Variants in SGSM2 observed in about 807,000 individuals in gnomAD.
SGSM2 encodes RUN and TBC1 domain containing 1.
A neutral mutation model predicts 126.6 loss-of-function variants in SGSM2; 89 were observed. That is an observed-to-expected ratio of 0.70 (90% CI 0.59 to 0.84). The LOEUF (loss-of-function observed/expected upper bound fraction) is 0.84, where lower values mean the gene tolerates loss of function less well. Ranked by LOEUF, SGSM2 falls within the 40% of genes least tolerant of loss-of-function variation. SGSM2 has a pLI of 0.00. For missense variants in SGSM2, 1,404 were observed against 1,416.6 expected (o/e 0.99, Z 0.14); for synonymous variants, 614 against 574.3 (o/e 1.07, Z -0.99).
chr17:2,360,957 C>A (rs57221013), intron 2 of SGSM2, among the ~76,000 whole-genome samples: 20,287 of 152,216 alleles, frequency 0.13, 2,093 homozygotes, highest in African/African-American at 0.27. Context: ...CCGCCCCACA[C>A]ACATACACAC....
chr17:2,369,433 A>G (rs971839631), intron 12 of SGSM2, among the ~76,000 whole-genome samples: 6 of 151,984 alleles, frequency 3.9e-5, no homozygotes, highest in African/African-American at 1.5e-4. Context: ...CTTGCTTTAC[A>G]CTTTCCTCAT....
Position 2,363,068 on chromosome 17 carries a change from C to T in SGSM2, c.606C>T (p.Val202=), listed in dbSNP as rs1379207509. 6.2e-7 allele frequency: 1 copy of T among 1,613,848 alleles called. No homozygotes were observed. The highest frequency in any genetic ancestry group is 2.2e-5 in the East Asian group (1 of 44,882). ...YWTDPSADEL[V]QRHRIRGPPT... Reference sequence around the variant, plus strand: ...CTGACCCCTCTGCTGATGAGCTGGTCCAGCGGCACCGCATCCGGGGTCCAC... The same window carrying T: ...CTGACCCCTCTGCTGATGAGCTGGTTCAGCGGCACCGCATCCGGGGTCCAC... The change falls in exon 6 of 24, where the codon GTC becomes GTT. Residue 202 remains valine (V), a synonymous_variant. Transcript: ENST00000268989. This position sits in a 1 kb window ranked among gnomAD's most constrained non-coding sequence, Gnocchi z 4.2.
In SGSM2 at chr17:2,379,933, C is replaced by T; in HGVS notation, c.*413C>T. On this transcript the variant is annotated 3_prime_UTR_variant, in exon 24 of 24. Transcript: ENST00000268989. ...GTGGCAGAGGGCGAGAGGCTCTGTGCTGTGTCCCTTCTGAGGGTCCCTTTG... is the reference window on the plus strand; with the variant it reads ...GTGGCAGAGGGCGAGAGGCTCTGTGTTGTGTCCCTTCTGAGGGTCCCTTTG... 2 of 1,328,270 alleles carry T rather than the reference C, an allele frequency of 1.5e-6. No homozygotes were observed. Among genetic ancestry groups the T allele is most frequent in the Non-Finnish European group, 1.9e-6 (2 of 1,036,998 alleles). The allele number at this position is 1,328,270 out of a possible 1,614,324, so 82.3% of individuals were successfully genotyped here. A position where few individuals can be genotyped will look rare whatever the true frequency, so the allele number is the denominator to read the frequency against.
rs2066351924 is a variant in SGSM2 at position 2,380,172 on chromosome 17, G to A, written c.*652G>A. 4 of 1,496,046 alleles carry A rather than the reference G, an allele frequency of 2.7e-6. No homozygotes were observed. Among genetic ancestry groups the A allele is most frequent in the East Asian group, 5.1e-5 (2 of 38,924 alleles). 92.7% of individuals were successfully genotyped at this position (1,496,046 alleles called of 1,614,324 possible). On this transcript the variant is annotated 3_prime_UTR_variant, in exon 24 of 24. Coordinates refer to ENST00000268989, the MANE Select transcript of SGSM2 (RefSeq NM_014853.3). ...ACTGCCACTGCCTTTGGCCACCTGA[G>A]GTGACCCCCAGGCCTCCCCGGCCTT... is the stretch of plus-strand genomic sequence containing the variant.
Position 2,365,279 on chromosome 17 carries a change from G to C in SGSM2, c.1226G>C (p.Gly409Ala). The stretch of plus-strand genomic sequence containing the variant: ...CGCTCCGTGGATATGGAGGAGATGG[G>C]CACGGGGCGGGCCACCGACTATGTG... The part of the protein sequence containing the change: ...SIRSVDMEEM[G>A]TGRATDYVFR... Residue 409 changes from glycine (G) to alanine (A), a missense_variant, in exon 11 of 24, where the codon GGC becomes GCC. Physicochemically the swap from Gly to Ala is moderately conservative, Grantham distance 60. Coordinates refer to ENST00000268989, the MANE Select transcript of SGSM2 (RefSeq NM_014853.3). The C allele has an allele frequency of 6.2e-7, 1 of 1,600,616 alleles. No homozygotes were observed. Among genetic ancestry groups the C allele is most frequent in the Non-Finnish European group, 8.5e-7 (1 of 1,173,612 alleles).
chr17:2,360,815 G>A (rs893980519), intron 2 of SGSM2, among the ~76,000 whole-genome samples: 1 of 152,252 alleles, frequency 6.6e-6, no homozygotes, highest in Admixed American at 6.5e-5. Context: ...CTCGGGCCGA[G>A]GCTTGGAGCC....
rs763014970 is a variant in SGSM2, at chr17:2,376,210, A to G, written c.2558A>G (p.Tyr853Cys). Residue 853 changes from tyrosine to cysteine, a missense_variant, in exon 19 of 24, where the codon TAC (tyrosine) becomes TGC (cysteine). Coordinates refer to ENST00000268989, the MANE Select transcript of SGSM2 (RefSeq NM_014853.3). The stretch of plus-strand genomic sequence containing the variant: ...GATGTGCAGAGGTGTGACCGCAACT[A>G]CTGGTACTTCACGCCCCCCAACCTC... ...DKDVQRCDRN[Y>C]WYFTPPNLER... The G allele has an allele frequency of 6.2e-7, 1 of 1,613,722 alleles. No homozygotes were observed. The highest frequency in any genetic ancestry group is 1.7e-5 in the Admixed American group (1 of 59,966).
rs530845632 is a variant in SGSM2 at position 2,377,542 on chromosome 17, G to T, written c.2803-315G>T. ...AGAAATTGAGGAGGAGTGTGTGTGT[G>T]TGTGAATGCTCGTGCCCATGAAAGT... On this transcript the variant is annotated intron_variant, in intron 21 of 23. Transcript: ENST00000268989. 2.0e-5 allele frequency: 5 copies of T among 245,420 alleles called. No homozygotes were observed. The South Asian group carries it at 2.7e-4, about 13-fold the overall frequency. 15.2% of individuals were successfully genotyped at this position (245,420 alleles called of 1,614,324 possible). A position where few individuals can be genotyped will look rare whatever the true frequency, so the allele number is the denominator to read the frequency against.
intron 11 of SGSM2, chr17:2,366,903 C>T (rs999616736): frequency 2.5e-5 from 5 of 197,128 alleles, no homozygotes; most frequent in East Asian, 1.2e-4. Context: ...AGCTAGAGAA[C>T]GATCAGGACC....
chr17:2,366,049 T>C (rs1419705274), intron 11 of SGSM2, among the ~76,000 whole-genome samples: 1 of 152,164 alleles, frequency 6.6e-6, no homozygotes, highest in East Asian at 1.9e-4. Context: ...GGCCCAGCGC[T>C]TCTTTTTGGA....
At chr17:2,344,552 T>C (rs1440985882) in intron 2 of SGSM2, among the ~76,000 whole-genome samples, 1 of 152,164 alleles carries the variant, frequency 6.6e-6, no homozygotes, top group African/African-American at 2.4e-5. Context: ...GCTCACCAGG[T>C]GCCAGACACC....
intron 2 of SGSM2, among the ~76,000 whole-genome samples, chr17:2,345,462 G>A (rs906928532): frequency 2.0e-5 from 3 of 152,046 alleles, no homozygotes; most frequent in Admixed American, 2.0e-4. Flanking sequence ...CAGGCGTGGT[G>A]GCGGGCGCCT....
At chr17:2,369,613 G>A (rs997432613) in intron 12 of SGSM2, among the ~76,000 whole-genome samples, 1 of 152,176 alleles carries the variant, frequency 6.6e-6, no homozygotes, top group Non-Finnish European at 1.5e-5. Context: ...TTAAGGTGAA[G>A]AGCATTGGCC....
In SGSM2 at chr17:2,364,236, C is replaced by T. The variant is rs1451211953; in HGVS notation, c.932+53C>T. 4.4e-6 allele frequency: 7 copies of T among 1,609,086 alleles called. No homozygotes were observed. In the East Asian group the frequency reaches 1.6e-4, roughly 36 times the overall value. On this transcript the variant is annotated intron_variant, in intron 8 of 23. Coordinates refer to ENST00000268989, the MANE Select transcript of SGSM2 (RefSeq NM_014853.3). Reference sequence around the variant, plus strand: ...AGCCAGGGCAGGGAGTGGGTTTGACCTCAGGCAGAGGGATGGAGAAACCCC... The same window carrying T: ...AGCCAGGGCAGGGAGTGGGTTTGACTTCAGGCAGAGGGATGGAGAAACCCC...
At chr17:2,376,326 G>A (rs2066152185) in intron 19 of SGSM2, 65 bp downstream of exon 19, 8 of 1,546,486 alleles carry the variant, frequency 5.2e-6, no homozygotes, top group African/African-American at 1.4e-5. Flanking sequence ...CTGTGAAGAT[G>A]AGGTCCGGAA....
At position 2,362,251 on chromosome 17, in the gene SGSM2, T is replaced by C. The variant is rs1315471407; in HGVS notation, c.439T>C (p.Tyr147His). 1 of 1,611,390 alleles carries C rather than the reference T, an allele frequency of 6.2e-7. No individual in the cohort carries two copies. Among genetic ancestry groups the C allele is most frequent in the Non-Finnish European group, 8.5e-7 (1 of 1,179,204 alleles). Residue 147 changes from tyrosine to histidine, a missense_variant, in exon 4 of 24, where the codon TAC becomes CAC. Transcript: ENST00000268989. This position sits in a 1 kb window ranked among gnomAD's most constrained non-coding sequence, Gnocchi z 4.9. ...IEKVLDKVVQYLAENCSKYYE... is the reference protein window; with the variant it reads ...IEKVLDKVVQHLAENCSKYYE... ...GAAAGTTCTGGACAAGGTCGTGCAA[T>C]ACCTGGCGGAAAACTGCAGGTGACC...
Position 2,361,647 on chromosome 17 carries a change from G to A in SGSM2, c.144G>A (p.Glu48=). ...SHIIALCGAV[E]ACLLHQLRRR... Reference sequence around the variant, plus strand: ...CCCTTTGTGGCCTAGGTGCAGTGGAGGCTTGCCTCTTGCATCAGCTGAGAC... The same window carrying A: ...CCCTTTGTGGCCTAGGTGCAGTGGAAGCTTGCCTCTTGCATCAGCTGAGAC... Residue 48 remains glutamate, a synonymous_variant, in exon 3 of 24, where the codon GAG becomes GAA. Coordinates refer to ENST00000268989, the MANE Select transcript of SGSM2 (RefSeq NM_014853.3). 1 of 1,613,698 alleles carries A rather than the reference G, an allele frequency of 6.2e-7. No homozygotes were observed. The highest frequency in any genetic ancestry group is 8.5e-7 in the Non-Finnish European group (1 of 1,179,952).
intron 2 of SGSM2, among the ~76,000 whole-genome samples, chr17:2,347,563 A>G (rs1299184841): frequency 6.6e-6 from 1 of 151,588 alleles, no homozygotes; most frequent in Non-Finnish European, 1.5e-5. Flanking sequence ...ATTTTAATAT[A>G]AAGACTTACT....
At chr17:2,358,882 T>G (rs12943057) in intron 2 of SGSM2, among the ~76,000 whole-genome samples, 2 of 149,066 alleles carry the variant, frequency 1.3e-5, no homozygotes, top group Admixed American at 1.3e-4. Flanking sequence ...TGTTTTTTTT[T>G]TTTTTTTTTT....
Sources: gnomAD v4.1 joint callset for allele counts (sites outside exome capture counted in the v4.1 genomes callset) on GRCh38, gnomAD v4.1.1 for gene constraint, Gnocchi (gnomAD v3.1) non-coding constraint, MANE v1.5 for transcripts, NCBI Gene and HGNC (gene_info 2026-07-23, HGNC 2026-07-21) for gene names.